Variants in DCHS2 observed in about 807,000 individuals in gnomAD.
DCHS2 encodes dachsous cadherin-related 2, also known as protocadherin-23.
DCHS2 carries 142 observed loss-of-function variants against 182.4 expected under a neutral mutation model. The observed-to-expected ratio is 0.78, with a 90% CI of 0.68 to 0.89. The LOEUF is 0.89. DCHS2 is among the 40% of genes least tolerant of loss of function. DCHS2 has a pLI of 0.00. For synonymous variants in DCHS2, 1,740 were observed against 1,663.3 expected (o/e 1.05, Z -1.12); for missense variants, 4,319 against 4,198.6 (o/e 1.03, Z -0.79).
At chr4:154,295,520 T>C (rs1734882065) in intron 13 of DCHS2, among the ~76,000 whole-genome samples, 1 of 152,196 alleles carries the variant, frequency 6.6e-6, no homozygotes, top group South Asian at 2.1e-4. Context: ...ATCGTTCTTA[T>C]CTGGTTTGAA....
chr4:154,352,224 A>G (rs544480110), intron 3 of DCHS2, among the ~76,000 whole-genome samples: 15 of 152,320 alleles, frequency 9.8e-5, no homozygotes, highest in African/African-American at 3.6e-4. Flanking sequence ...CGCTAGTGCC[A>G]TCACCCCACA....
At chr4:154,451,458 C>T (rs914645610) in intron 1 of DCHS2, among the ~76,000 whole-genome samples, 1 of 152,112 alleles carries the variant, frequency 6.6e-6, no homozygotes, top group Non-Finnish European at 1.5e-5. Flanking sequence ...TATATATAGG[C>T]TCAAAGTGGC....
intron 2 of DCHS2, among the ~76,000 whole-genome samples, chr4:154,371,661 A>G (rs1730652870): frequency 6.6e-6 from 1 of 152,216 alleles, no homozygotes; most frequent in Non-Finnish European, 1.5e-5. Context: ...AACAGGAAGC[A>G]TAGCAGCTTC....
chr4:154,485,804 A>T (rs1170021938), intron 1 of DCHS2, among the ~76,000 whole-genome samples: 1 of 152,266 alleles, frequency 6.6e-6, no homozygotes, highest in African/African-American at 2.4e-5. Flanking sequence ...CTGGAGTTAT[A>T]CTTAGTACAG....
At chr4:154,307,923 C>T (rs373780782) in intron 10 of DCHS2, among the ~76,000 whole-genome samples, 1 of 152,190 alleles carries the variant, frequency 6.6e-6, no homozygotes, top group Admixed American at 6.5e-5. Context: ...CTGTACTCAA[C>T]TGTACCCCTT....
chr4:154,385,409 G>A (rs1174041151), intron 1 of DCHS2, among the ~76,000 whole-genome samples: 2 of 152,124 alleles, frequency 1.3e-5, no homozygotes, highest in Admixed American at 6.6e-5. Flanking sequence ...CTTTATAGCA[G>A]CATGTTTATA....
Position 154,490,865 on chromosome 4 carries a change from G to C in DCHS2, c.491C>G (p.Ser164Trp). 1 of 1,551,542 alleles carries C rather than the reference G, an allele frequency of 6.4e-7. No homozygotes were observed. Among genetic ancestry groups the C allele is most frequent in the Non-Finnish European group, 8.7e-7 (1 of 1,146,936 alleles). ...CAGGGAGTCGAGGGGAAAGCGGGGC[G>C]AGTGGTCATTCACGTCGTTGACGCG... ...EIRVNDVNDH[S>W]PRFPLDSLQL... Residue 164 changes from serine (S) to tryptophan (W), a missense_variant, in exon 1 of 20, where the codon TCG (serine) becomes TGG (tryptophan). Coordinates refer to ENST00000357232, the MANE Select transcript of DCHS2 (RefSeq NM_001358235.2).
At chr4:154,240,300 T>C (rs1474573545) in intron 18 of DCHS2, among the ~76,000 whole-genome samples, 3 of 51,442 alleles carry the variant, frequency 5.8e-5, no homozygotes, top group Non-Finnish European at 1.7e-4. Flanking sequence ...CTACAACCTC[T>C]AAAAACTAAA....
intron 1 of DCHS2, among the ~76,000 whole-genome samples, chr4:154,445,895 A>G (rs78637182): frequency 0.014 from 2,201 of 152,168 alleles, 50 homozygotes; most frequent in African/African-American, 0.05. Context: ...TAGAACAAAA[A>G]CTGATGATAG....
chr4:154,323,625 C>T (rs1446370938), intron 7 of DCHS2, among the ~76,000 whole-genome samples: 1 of 152,154 alleles, frequency 6.6e-6, no homozygotes, highest in African/African-American at 2.4e-5. Context: ...AAATCCAAAA[C>T]TTTTTGAGTA....
At chr4:154,430,028 G>A (rs1030357462) in intron 1 of DCHS2, among the ~76,000 whole-genome samples, 2 of 152,146 alleles carry the variant, frequency 1.3e-5, no homozygotes, top group African/African-American at 2.4e-5. Flanking sequence ...GAATGTTGGG[G>A]GTGATTATGA....
intron 1 of DCHS2, among the ~76,000 whole-genome samples, chr4:154,477,989 T>C (rs904728032): frequency 6.6e-6 from 1 of 152,208 alleles, no homozygotes; most frequent in African/African-American, 2.4e-5. Flanking sequence ...ATCACAATTA[T>C]TCAATTAAAA....
intron 1 of DCHS2, among the ~76,000 whole-genome samples, chr4:154,465,458 C>T (rs915912885): frequency 6.6e-6 from 1 of 152,080 alleles, no homozygotes; most frequent in Non-Finnish European, 1.5e-5. Flanking sequence ...CACCTGAGGT[C>T]GGGAGCTCAA....
chr4:154,320,021 A>G (rs13132851), intron 9 of DCHS2, among the ~76,000 whole-genome samples: 45,979 of 152,108 alleles, frequency 0.3, 8,274 homozygotes, highest in Non-Finnish European at 0.41. Flanking sequence ...AGAGAAAGAC[A>G]TTCTACAAGA....
At chr4:154,323,635 A>G (rs1736167363) in intron 7 of DCHS2, among the ~76,000 whole-genome samples, 2 of 152,252 alleles carry the variant, frequency 1.3e-5, no homozygotes, top group African/African-American at 2.4e-5. Context: ...CTTTTTGAGT[A>G]CTGACATGAT....
chr4:154,426,595 A>G (rs570987493), intron 1 of DCHS2, among the ~76,000 whole-genome samples: 1 of 152,258 alleles, frequency 6.6e-6, no homozygotes, highest in East Asian at 1.9e-4. Context: ...TGAGTATTTG[A>G]CAGCACAACT....
At chr4:154,272,705 A>G (rs1414542896) in intron 13 of DCHS2, among the ~76,000 whole-genome samples, 2 of 152,118 alleles carry the variant, frequency 1.3e-5, no homozygotes, top group African/African-American at 4.8e-5. Context: ...TTTCCTTTGT[A>G]AGTTACCCAG....
At chr4:154,265,956 G>GA (rs1407660327) in intron 14 of DCHS2, among the ~76,000 whole-genome samples, 2 of 152,098 alleles carry the variant, frequency 1.3e-5, no homozygotes, top group African/African-American at 4.8e-5. Flanking sequence ...GCATACCTAT[G>GA]ATGGAGTTTA....
chr4:154,458,627 A>T (rs981881022), intron 1 of DCHS2, among the ~76,000 whole-genome samples: 7 of 152,340 alleles, frequency 4.6e-5, no homozygotes, highest in Admixed American at 2.0e-4. Flanking sequence ...TTAAATCTAG[A>T]AATCTGTATT....
Sources: allele counts gnomAD v4.1 joint callset (sites outside exome capture counted in the v4.1 genomes callset), GRCh38; gene constraint gnomAD v4.1.1; transcripts MANE v1.5; gene names NCBI Gene and HGNC (gene_info 2026-07-23, HGNC 2026-07-21).